The following PTCH1 variants were observed in gnomAD, a reference collection of about 807,000 sequenced individuals.
The protein encoded by PTCH1 is protein patched homolog 1.
A neutral mutation model predicts 144.6 loss-of-function variants in PTCH1; 14 were observed. The ratio of observed to expected loss-of-function variants is 0.10; its 90% CI spans 0.06 to 0.15. The LOEUF (loss-of-function observed/expected upper bound fraction) is 0.15. Among genes scored for constraint, PTCH1 ranks in the 10% least tolerant of loss-of-function variants. PTCH1 has a pLI of 1.00. For synonymous variants in PTCH1, 833 were observed against 793.6 expected, an observed-to-expected ratio of 1.05 and a Z score of -0.83; for missense variants, 1,623 against 1,948.3, an observed-to-expected ratio of 0.83 and a Z score of 3.14.
rs1839280408 is a variant in PTCH1, at chr9:95,459,651, G to A, written c.2836C>T (p.Pro946Ser). Residue 946 changes from proline (P) to serine (S), a missense_variant, in exon 17 of 24, where the codon CCA becomes TCA. Pro to Ser is a moderately conservative substitution (Grantham distance 74, BLOSUM62 -1). This residue lies in a region of PTCH1 where 504 missense variants were observed against 679.3 expected (regional missense o/e 0.74). Transcript: ENST00000331920. The stretch of plus-strand genomic sequence containing the variant: ...TCGGCTTTGTCGTGGACCCATTCTG[G>A]TCGGTGTGGCCGGATGTTGGCCTGG... ...ASQANIRPHRPEWVHDKADYM... is the reference protein window; with the variant it reads ...ASQANIRPHRSEWVHDKADYM... 1.2e-6 allele frequency: 2 copies of A among 1,614,138 alleles called. No individual in the cohort carries two copies. Among genetic ancestry groups the A allele is most frequent in the Non-Finnish European group, 1.7e-6 (2 of 1,180,040 alleles).
At chr9:95,475,892 C>G in intron 12 of PTCH1, 142 bp downstream of exon 12, 1 of 1,315,878 alleles carries the variant, frequency 7.6e-7, no homozygotes, top group East Asian at 2.4e-5. Context: ...AGCATCCACC[C>G]AGTTAAACAG....
At chr9:95,456,579 C>T (rs56101619) in intron 18 of PTCH1, among the ~76,000 whole-genome samples, 166 bp from the exon 19 acceptor site, 3 of 152,302 alleles carry the variant, frequency 2.0e-5, no homozygotes, top group East Asian at 1.9e-4. Flanking sequence ...TTCATCTTCC[C>T]GCTGGGAAGG....
intron 23 of PTCH1, 33 bp downstream of exon 23, chr9:95,446,878 G>A (rs1196185392): frequency 6.2e-7 from 1 of 1,612,892 alleles, no homozygotes; most frequent in Admixed American, 1.7e-5. Context: ...CCTGGCTCTA[G>A]GTCCCTTGGC....
Position 95,468,937 on chromosome 9 carries a change from C to G in PTCH1, c.2064G>C (p.Gln688His), listed in dbSNP as rs2118041001. ...TAEPRSEISVQPVTVTQDTLS... is the reference protein window; with the variant it reads ...TAEPRSEISVHPVTVTQDTLS... Reference sequence around the variant, plus strand: ...GGGTGTCCTGTGTCACGGTGACGGGCTGCACAGAGATCTCGGAGCGCGGCT... The same window carrying G: ...GGGTGTCCTGTGTCACGGTGACGGGGTGCACAGAGATCTCGGAGCGCGGCT... Residue 688 changes from glutamine (Q) to histidine (H), a missense_variant, in exon 14 of 24, where the codon CAG becomes CAC. Gln to His is a conservative substitution (Grantham distance 24). This residue lies in a region of PTCH1 where 179 missense variants were observed against 165.7 expected (regional missense o/e 1.08). Coordinates refer to ENST00000331920, the MANE Select transcript of PTCH1 (RefSeq NM_000264.5). 1 of 1,614,126 alleles carries G rather than the reference C, an allele frequency of 6.2e-7. No homozygotes were observed. Among genetic ancestry groups the G allele is most frequent in the Admixed American group, 1.7e-5 (1 of 60,018 alleles).
At position 95,479,069 on chromosome 9, in the gene PTCH1, G is replaced by C; in HGVS notation, c.1146C>G (p.Val382=). 6.2e-7 allele frequency: 1 copy of C among 1,614,170 alleles called. No homozygotes were observed. Among genetic ancestry groups the C allele is most frequent in the South Asian group, 1.1e-5 (1 of 91,082 alleles). The change falls in exon 8 of 24, where the codon GTC becomes GTG. Residue 382 remains valine (V), a synonymous_variant. Coordinates refer to ENST00000331920, the MANE Select transcript of PTCH1 (RefSeq NM_000264.5). Reference sequence around the variant, plus strand: ...TGTCCTCGTTCCAGTTGATGTGTGAGACATACTCGTACCCCTTGAAGTGCT... The same window carrying C: ...TGTCCTCGTTCCAGTTGATGTGTGACACATACTCGTACCCCTTGAAGTGCT... ...MYEHFKGYEY[V]SHINWNEDKA... is the part of the protein sequence containing the mutation.
chr9:95,489,469 AC>A (rs1842219005), intron 2 of PTCH1, among the ~76,000 whole-genome samples: 1 of 151,238 alleles, frequency 6.6e-6, no homozygotes, highest in African/African-American at 2.4e-5. Context: ...CTCCCCTAAT[AC>A]CCCAGATAAC....
rs570214600 is a variant in PTCH1 at position 95,494,028 on chromosome 9, T to C, written c.395-8154A>G. ...TTCATGAAGTGAGCCCAGTGAGAGG[T>C]CAACCACCAAAGCATAACGAGAAAA... On this transcript the variant is annotated intron_variant, in intron 2 of 23. Transcript: ENST00000331920. 6.3e-4 allele frequency among the ~76,000 whole-genome samples: 95 copies of C among 151,748 alleles called. 1 individual carries two copies. The highest frequency in any genetic ancestry group is 2.3e-3 in the East Asian group (12 of 5,152).
At chr9:95,460,945 C>A (rs1368573116) in intron 16 of PTCH1, among the ~76,000 whole-genome samples, 1 of 152,178 alleles carries the variant, frequency 6.6e-6, no homozygotes, top group African/African-American at 2.4e-5. Context: ...CATAACAACT[C>A]TGAACAATGT....
At chr9:95,492,318 T>A (rs1588636476) in intron 2 of PTCH1, among the ~76,000 whole-genome samples, 1 of 152,160 alleles carries the variant, frequency 6.6e-6, no homozygotes, top group East Asian at 1.9e-4. Flanking sequence ...ATGTCGTGGT[T>A]TTTTTACTGG....
intron 15 of PTCH1, among the ~76,000 whole-genome samples, chr9:95,462,993 T>G (rs1274472245): frequency 9.2e-6 from 1 of 108,132 alleles, no homozygotes; most frequent in African/African-American, 3.5e-5. Context: ...GACACCCCCC[T>G]CCCCCCACCC....
chr9:95,516,947 C>A, exon 1 of PTCH1: 1 of 737,524 alleles, frequency 1.4e-6, no homozygotes, highest in Non-Finnish European at 2.1e-6. Flanking sequence ...AACGTGCTAT[C>A]AGCACAGCCC....
At chr9:95,488,065 CT>C (rs1564066008) in intron 2 of PTCH1, among the ~76,000 whole-genome samples, 1 of 152,210 alleles carries the variant, frequency 6.6e-6, no homozygotes, top group Non-Finnish European at 1.5e-5. Context: ...AAAGTTTGTG[CT>C]GCTAAGAAAT....
At position 95,459,661 on chromosome 9, in the gene PTCH1, C is replaced by T. The variant is rs934070764; in HGVS notation, c.2826G>A (p.Arg942=). 1.2e-6 allele frequency: 2 copies of T among 1,614,156 alleles called. No individual in the cohort carries two copies. Among genetic ancestry groups the T allele is most frequent in the Non-Finnish European group, 1.7e-6 (2 of 1,180,034 alleles). Residue 942 remains arginine (R), a synonymous_variant, in exon 17 of 24, where the codon CGG becomes CGA. Transcript: ENST00000331920. ...CGTGGACCCATTCTGGTCGGTGTGG[C>T]CGGATGTTGGCCTGGGAGGCAGCAT... ...VAYAASQANI[R]PHRPEWVHDK...
At chr9:95,478,868 T>C (rs1434430157) in intron 8 of PTCH1, 132 bp downstream of exon 8, 1 of 1,416,538 alleles carries the variant, frequency 7.1e-7, no homozygotes, top group Admixed American at 2.0e-5. Flanking sequence ...GAAAAAAGTT[T>C]TCATCCCATC....
At chr9:95,508,097 C>A (rs924636898) in intron 1 of PTCH1, 64 bp downstream of exon 1, 4 of 1,597,912 alleles carry the variant, frequency 2.5e-6, no homozygotes, top group South Asian at 1.1e-5. Context: ...TTGTGTGTGG[C>A]GGGGGCGATC....
In PTCH1 at chr9:95,449,705, A is replaced by G. The variant is rs1176214466; in HGVS notation, c.3549+136T>C. The G allele has an allele frequency of 2.8e-5, 26 of 917,738 alleles. No individual in the cohort carries two copies. The highest frequency in any genetic ancestry group is 4.6e-4 in the Middle Eastern group (2 of 4,340). 56.8% of individuals were successfully genotyped at this position (917,738 alleles called of 1,614,324 possible). On this transcript the variant is annotated intron_variant, in intron 21 of 23. Coordinates refer to ENST00000331920, the MANE Select transcript of PTCH1 (RefSeq NM_000264.5). This position sits in a 1 kb window ranked among gnomAD's most constrained non-coding sequence, Gnocchi z 5.3. ...CAAAGCCAGTACACCGAAGAGGAAA[A>G]CAGACATGACTCTGAGATGTTTACT...
At chr9:95,496,946 GA>G (rs2118748317) in intron 2 of PTCH1, among the ~76,000 whole-genome samples, 1 of 152,076 alleles carries the variant, frequency 6.6e-6, no homozygotes, top group Admixed American at 6.5e-5. Flanking sequence ...GAATGTGGAA[GA>G]ATTCACAAAA....
At chr9:95,485,003 C>T (rs1841855824) in intron 3 of PTCH1, among the ~76,000 whole-genome samples, 1 of 152,022 alleles carries the variant, frequency 6.6e-6, no homozygotes, top group Non-Finnish European at 1.5e-5. Context: ...GTCAGGAGTT[C>T]GAGACTAGCC....
intron 5 of PTCH1, 58 bp from the exon 6 acceptor site, chr9:95,480,646 G>GT (rs1841465265): frequency 6.5e-7 from 1 of 1,540,472 alleles, no homozygotes; most frequent in Non-Finnish European, 9.0e-7. Context: ...GCATCGTAAA[G>GT]TAACACGGCT....
Sources: allele counts gnomAD v4.1 joint callset (sites outside exome capture counted in the v4.1 genomes callset), GRCh38; gene constraint gnomAD v4.1.1; regional missense constraint gnomAD v4.1.1; non-coding constraint Gnocchi (gnomAD v3.1); transcripts MANE v1.5; gene names NCBI Gene and HGNC (gene_info 2026-07-23, HGNC 2026-07-21).